RAD50: variants seen among roughly 807,000 people sequenced by gnomAD.
The protein encoded by RAD50 is DNA repair protein RAD50.
In RAD50, 132 loss-of-function variants were observed where a neutral mutation model predicts 168.8. That is an observed-to-expected ratio of 0.78 (90% CI 0.68 to 0.90). RAD50 has a LOEUF of 0.90. Among genes scored for constraint, RAD50 ranks in the 40% least tolerant of loss-of-function variants. The pLI is 0.00. For synonymous variants in RAD50, 525 were observed against 497.4 expected, an observed-to-expected ratio of 1.06 and a Z score of -0.74; for missense variants, 1,347 against 1,534.4, an observed-to-expected ratio of 0.88 and a Z score of 2.04.
intron 13 of RAD50, 104 bp downstream of exon 13, chr5:132,595,914 G>T: frequency 1.0e-6 from 1 of 993,510 alleles, no homozygotes; most frequent in East Asian, 2.4e-5. Flanking sequence ...ACTCTGAGCT[G>T]GTATGCCCTG....
chr5:132,610,852 T>C (rs948376395), intron 19 of RAD50, among the ~76,000 whole-genome samples: 1 of 152,220 alleles, frequency 6.6e-6, no homozygotes, highest in Non-Finnish European at 1.5e-5. Context: ...TAATGATCTA[T>C]GACCCCTTTT....
Position 132,557,412 on chromosome 5 carries a change from C to T in RAD50, c.88C>T (p.Pro30Ser), listed in dbSNP as rs1321131254. 1.9e-6 allele frequency: 3 copies of T among 1,614,164 alleles called. No individual in the cohort carries two copies. The highest frequency in any genetic ancestry group is 2.2e-5 in the East Asian group (1 of 44,888). The change falls in exon 1 of 25, where the codon CCC becomes TCC. Residue 30 changes from proline to serine, a missense_variant. Around this residue, in one of 3 missense-constraint regions of RAD50, gnomAD observed 703 missense variants for 767.7 expected, o/e 0.92. Coordinates refer to ENST00000378823, the MANE Select transcript of RAD50 (RefSeq NM_005732.4). ...KDKQIITFFS[P>S]LTILVGPNGA... is the part of the protein sequence containing the mutation. ...TAAGCAAATTATCACTTTCTTCAGCCCCCTTACAATTTTGGTTGGACCCAA... is the reference window on the plus strand; with the variant it reads ...TAAGCAAATTATCACTTTCTTCAGCTCCCTTACAATTTTGGTTGGACCCAA...
intron 21 of RAD50, among the ~76,000 whole-genome samples, chr5:132,634,343 C>CT (rs145931809): frequency 0.016 from 2,457 of 150,938 alleles, 77 homozygotes; most frequent in African/African-American, 0.057. Flanking sequence ...GAATAGGATC[C>CT]TTTTTTTTTC....
At chr5:132,575,970 T>C in intron 3 of RAD50, 42 bp downstream of exon 3, 2 of 1,532,662 alleles carry the variant, frequency 1.3e-6, no homozygotes, top group Non-Finnish European at 1.8e-6. Flanking sequence ...TCATTTTCAG[T>C]CTTTTAGGTC....
At chr5:132,568,007 G>T in intron 2 of RAD50, among the ~76,000 whole-genome samples, 1 of 152,234 alleles carries the variant, frequency 6.6e-6, no homozygotes, top group East Asian at 1.9e-4. Flanking sequence ...GGAAAAGTGA[G>T]TAGAAGCAGA....
chr5:132,557,417 T>TA lies in RAD50; in HGVS notation c.94dup (p.Thr32AsnfsTer16), dbSNP rs587781625. On this transcript the variant is annotated frameshift_variant, in exon 1 of 25. Coordinates refer to ENST00000378823, the MANE Select transcript of RAD50 (RefSeq NM_005732.4). LOFTEE classifies it high-confidence loss of function. ...AAATTATCACTTTCTTCAGCCCCCT[T>TA]ACAATTTTGGTTGGACCCAATGGGG... is the stretch of plus-strand genomic sequence containing the variant. 10 of 1,614,044 alleles carry TA rather than the reference T, an allele frequency of 6.2e-6. No homozygotes were observed. The highest frequency in any genetic ancestry group is 2.7e-5 in the African/African-American group (2 of 74,928).
At chr5:132,640,370 G>T (rs1190538995) in intron 23 of RAD50, among the ~76,000 whole-genome samples, 2 of 152,158 alleles carry the variant, frequency 1.3e-5, no homozygotes, top group Admixed American at 1.3e-4. Context: ...CATTGTCTCT[G>T]TTTCTAGCCT....
intron 2 of RAD50, among the ~76,000 whole-genome samples, chr5:132,571,910 T>C (rs1750313569): frequency 6.6e-6 from 1 of 152,126 alleles, no homozygotes; most frequent in Admixed American, 6.5e-5. Flanking sequence ...AAAATAATGG[T>C]CTGTACTTTT....
intron 21 of RAD50, among the ~76,000 whole-genome samples, chr5:132,631,269 C>A (rs1269024156): frequency 1.3e-5 from 2 of 151,792 alleles, no homozygotes; most frequent in Non-Finnish European, 2.9e-5. Flanking sequence ...TACAGGTGCC[C>A]ACCACCACAC....
chr5:132,619,833 T>TA, intron 21 of RAD50, among the ~76,000 whole-genome samples: 1 of 132,120 alleles, frequency 7.6e-6, no homozygotes, highest in African/African-American at 3.0e-5. Flanking sequence ...TCTCTCTCTC[T>TA]CTCTATATAT....
In RAD50 at chr5:132,645,745, G is replaced by A. The variant is rs945557069; in HGVS notation, c.*3381G>A. ...GGAGTTTGGCAAAATATATACCTCA[G>A]AATTATCCCACCTAAGGGGCAAGAG... On this transcript the variant is annotated 3_prime_UTR_variant, in exon 25 of 25. Coordinates refer to ENST00000378823, the MANE Select transcript of RAD50 (RefSeq NM_005732.4). 1.3e-5 allele frequency: 2 copies of A among 152,098 alleles called. No homozygotes were observed. Among genetic ancestry groups the A allele is most frequent in the African/African-American group, 4.8e-5 (2 of 41,410 alleles). 9.4% of individuals were successfully genotyped at this position (152,098 alleles called of 1,614,324 possible).
In RAD50 at chr5:132,588,696, A is replaced by G. The variant is rs1272466952; in HGVS notation, c.1061A>G (p.Gln354Arg). The G allele has an allele frequency of 6.2e-7, 1 of 1,613,494 alleles. No homozygotes were observed. The highest frequency in any genetic ancestry group is 1.3e-5 in the African/African-American group (1 of 74,878). Reference sequence around the variant, plus strand: ...ATTTTTTTTTTAAAAGGTCGTCTACAGCTGCAAGCAGATCGCCATCAAGAA... The same window carrying G: ...ATTTTTTTTTTAAAAGGTCGTCTACGGCTGCAAGCAGATCGCCATCAAGAA... ...SELLVEQGRL[Q>R]LQADRHQEHI... is the part of the protein sequence containing the mutation. Residue 354 changes from glutamine (Q) to arginine (R), a missense_variant, in exon 8 of 25, where the codon CAG (glutamine) becomes CGG (arginine). Gln to Arg is a conservative substitution (Grantham distance 43). Transcript: ENST00000378823.
chr5:132,637,264 G>T, intron 22 of RAD50, 64 bp downstream of exon 22: 2 of 1,566,382 alleles, frequency 1.3e-6, no homozygotes, highest in South Asian at 2.3e-5. Context: ...TTCCCCTTAT[G>T]ACCTCTCATC....
intron 5 of RAD50, among the ~76,000 whole-genome samples, chr5:132,580,479 A>G (rs778592642): frequency 3.9e-4 from 60 of 152,188 alleles, no homozygotes; most frequent in Admixed American, 2.1e-3. Context: ...AGTAGTATAG[A>G]TCACTAGGTG....
At chr5:132,633,261 C>T (rs1033999933) in intron 21 of RAD50, among the ~76,000 whole-genome samples, 42 of 151,726 alleles carry the variant, frequency 2.8e-4, no homozygotes, top group African/African-American at 1.0e-3. Flanking sequence ...TGTACCACCA[C>T]GCCTGGCTAA....
At position 132,589,865 on chromosome 5, in the gene RAD50, A is replaced by G. The variant is rs752808759; in HGVS notation, c.1452+28A>G. On this transcript the variant is annotated intron_variant, in intron 9 of 24. Transcript: ENST00000378823. ...AAGATATTGTTTGAATAATCTAATA[A>G]TTTTAAGATATAATACTTTTAGAAG... 1.2e-5 allele frequency: 18 copies of G among 1,546,044 alleles called. No homozygotes were observed. The South Asian group carries it at 2.0e-4, about 17-fold the overall frequency.
chr5:132,579,818 ATTTAC>A (rs764605441), intron 4 of RAD50, 39 bp from the exon 5 acceptor site: 2 of 1,489,666 alleles, frequency 1.3e-6, no homozygotes, highest in African/African-American at 2.8e-5. Context: ...ATATACCATA[ATTTAC>A]TTTGCCAGAA....
chr5:132,620,352 A>G (rs1398106938), intron 21 of RAD50, among the ~76,000 whole-genome samples: 4 of 152,148 alleles, frequency 2.6e-5, no homozygotes, highest in Non-Finnish European at 5.9e-5. Flanking sequence ...AGTGACCTAC[A>G]GTGTCATTTC....
At position 132,579,955 on chromosome 5, in the gene RAD50, A is replaced by T. The variant is rs876658328; in HGVS notation, c.645A>T (p.Gln215His). ...AAATGGAACTAAAATATCTGAAGCAATATAAGGAAAAAGCTTGTGAGATTC... is the reference window on the plus strand; with the variant it reads ...AAATGGAACTAAAATATCTGAAGCATTATAAGGAAAAAGCTTGTGAGATTC... The part of the protein sequence containing the change: ...EYQMELKYLK[Q>H]YKEKACEIRD... Residue 215 changes from glutamine to histidine, a missense_variant, in exon 5 of 25, where the codon CAA becomes CAT. By Grantham distance (24) the Gln-to-His change is conservative. Transcript: ENST00000378823. 6.2e-7 allele frequency: 1 copy of T among 1,611,712 alleles called. No individual in the cohort carries two copies. Among genetic ancestry groups the T allele is most frequent in the Non-Finnish European group, 8.5e-7 (1 of 1,177,846 alleles).
Sources: gnomAD v4.1 joint callset for allele counts (sites outside exome capture counted in the v4.1 genomes callset) on GRCh38, gnomAD v4.1.1 for gene constraint, gnomAD v4.1.1 regional missense constraint, MANE v1.5 for transcripts, NCBI Gene and HGNC (gene_info 2026-07-23, HGNC 2026-07-21) for gene names.